The following BOD1L1 variants were observed in gnomAD, a reference collection of about 807,000 sequenced individuals.
The protein encoded by BOD1L1 is biorientation of chromosomes in cell division 1 like 1, also known as biorientation of chromosomes in cell division protein 1-like 1.
In BOD1L1, 86 loss-of-function variants were observed where a neutral mutation model predicts 240.7. The observed-to-expected ratio is 0.36, with a 90% CI of 0.30 to 0.43. BOD1L1 has a LOEUF of 0.43. BOD1L1 is among the 20% of genes least tolerant of loss of function. The probability of loss-of-function intolerance (pLI) is 1.00; values close to 1 mark genes in which losing one functional copy is unlikely to be tolerated. For missense variants in BOD1L1, 3,554 were observed against 3,643.5 expected (o/e 0.98, Z 0.63); for synonymous variants, 1,268 against 1,272.3 (o/e 1.00, Z 0.07).
intron 22 of BOD1L1, among the ~76,000 whole-genome samples, chr4:13,578,813 C>T (rs879368724): frequency 6.6e-6 from 1 of 152,182 alleles, no homozygotes; most frequent in Non-Finnish European, 1.5e-5. Context: ...AGTCACATAA[C>T]TAACAAGTAG....
At position 13,597,142 on chromosome 4, in the gene BOD1L1, A is replaced by T. The variant is rs1254875156; in HGVS notation, c.7981T>A (p.Leu2661Met). 3.8e-6 allele frequency: 6 copies of T among 1,595,994 alleles called. No homozygotes were observed. The highest frequency in any genetic ancestry group is 5.1e-6 in the Non-Finnish European group (6 of 1,170,136). ...TTGGCTTTCAGTTTCAATCCTCCCA[A>T]AACATTCAATGGAGACTCTTCATTG... ...IGNEESPLNV[L>M]GGLKLKANLK... The change falls in exon 11 of 26, where the codon TTG becomes ATG. Residue 2661 changes from leucine (L) to methionine (M), a missense_variant. Transcript: ENST00000040738.
At chr4:13,574,390 G>C (rs1467739338) in intron 25 of BOD1L1, among the ~76,000 whole-genome samples, 1 of 152,072 alleles carries the variant, frequency 6.6e-6, no homozygotes, top group East Asian at 1.9e-4. Context: ...ATCTAAACTA[G>C]AGAGAAAACA....
chr4:13,572,923 C>T, intron 25 of BOD1L1: 1 of 1,171,668 alleles, frequency 8.5e-7, no homozygotes, highest in Non-Finnish European at 1.1e-6. Context: ...GTATGAGGCT[C>T]CTTGTGGGCA....
In BOD1L1 at chr4:13,614,705, G is replaced by A; in HGVS notation, c.665C>T (p.Thr222Ile). The change falls in exon 4 of 26, where the codon ACA becomes ATA. Residue 222 changes from threonine to isoleucine, a missense_variant. By Grantham distance (89) the Thr-to-Ile change is moderately conservative. This residue lies in a region of BOD1L1 where 3,393 missense variants were observed against 3,427.1 expected (regional missense o/e 0.99). Transcript: ENST00000040738. ...ACTGGTCTTGGCATTTGATGTTTCTGTTGAAGCCCTAGCAGCACTGGCTTC... is the reference window on the plus strand; with the variant it reads ...ACTGGTCTTGGCATTTGATGTTTCTATTGAAGCCCTAGCAGCACTGGCTTC... Reference protein sequence around the residue: ...NQEASAARASTETSNAKTSER... With the variant: ...NQEASAARASIETSNAKTSER... The A allele has an allele frequency of 1.2e-6, 2 of 1,613,894 alleles. No individual in the cohort carries two copies. Among genetic ancestry groups the A allele is most frequent in the Non-Finnish European group, 1.7e-6 (2 of 1,179,876 alleles).
Position 13,608,665 on chromosome 4 carries a change from C to T in BOD1L1, c.1607G>A (p.Arg536Lys). Reference sequence around the variant, plus strand: ...TGATTCTTCTAAGTCCACACTACTCCTGCCTAGAAAAGAAGCAATCAATAA... The same window carrying T: ...TGATTCTTCTAAGTCCACACTACTCTTGCCTAGAAAAGAAGCAATCAATAA... The part of the protein sequence containing the change: ...TKSSKTKGQG[R>K]SSVDLEESST... The change falls in exon 8 of 26, where the codon AGG (arginine) becomes AAG (lysine). Residue 536 changes from arginine (R) to lysine (K), a missense_variant. Physicochemically the swap from Arg to Lys is conservative, Grantham distance 26. Coordinates refer to ENST00000040738, the MANE Select transcript of BOD1L1 (RefSeq NM_148894.3). The T allele has an allele frequency of 1.4e-6, 2 of 1,465,820 alleles. No individual in the cohort carries two copies. 90.8% of individuals were successfully genotyped at this position (1,465,820 alleles called of 1,614,324 possible).
chr4:13,582,216 A>G, intron 19 of BOD1L1, 21 bp downstream of exon 19: 1 of 1,594,370 alleles, frequency 6.3e-7, no homozygotes, highest in Non-Finnish European at 8.6e-7. Context: ...TGAACAAACA[A>G]ATACGAAAAG....
At chr4:13,572,694 G>A (rs1712313877) in intron 25 of BOD1L1, 10 of 1,289,358 alleles carry the variant, frequency 7.8e-6, no homozygotes, top group Non-Finnish European at 9.1e-6. Flanking sequence ...GTGTAAGCAG[G>A]GACTTACCTT....
At position 13,604,116 on chromosome 4, in the gene BOD1L1, T is replaced by A; in HGVS notation, c.2784A>T (p.Leu928Phe). 1 of 1,613,710 alleles carries A rather than the reference T, an allele frequency of 6.2e-7. No individual in the cohort carries two copies. Among genetic ancestry groups the A allele is most frequent in the African/African-American group, 1.3e-5 (1 of 75,014 alleles). Reference sequence around the variant, plus strand: ...TTGCCTGTTTTGTGGCACCTTCTTGTAATTCTGTTTCTACAACTTTTACCT... The same window carrying A: ...TTGCCTGTTTTGTGGCACCTTCTTGAAATTCTGTTTCTACAACTTTTACCT... ...GKQVKVVETELQEGATKQATT... is the reference protein window; with the variant it reads ...GKQVKVVETEFQEGATKQATT... Residue 928 changes from leucine (L) to phenylalanine (F), a missense_variant, in exon 10 of 26, where the codon TTA (leucine) becomes TTT (phenylalanine). Physicochemically the swap from Leu to Phe is conservative, Grantham distance 22. Coordinates refer to ENST00000040738, the MANE Select transcript of BOD1L1 (RefSeq NM_148894.3).
chr4:13,585,094 T>C (rs1362806112), intron 17 of BOD1L1, among the ~76,000 whole-genome samples: 5 of 152,194 alleles, frequency 3.3e-5, no homozygotes, highest in African/African-American at 9.6e-5. Flanking sequence ...TCTTCAAATT[T>C]AGAAGTATTG....
At position 13,613,159 on chromosome 4, in the gene BOD1L1, C is replaced by A. The variant is rs1159334541; in HGVS notation, c.1324+353G>T. 1.3e-5 allele frequency among the ~76,000 whole-genome samples: 2 copies of A among 152,136 alleles called. No individual in the cohort carries two copies. The highest frequency in any genetic ancestry group is 2.4e-5 in the African/African-American group (1 of 41,422). ...AACGGTGGTCTTAGGGAACCCGGAA[C>A]TTGCAACTGGTGCCATTAATTGAGG... On this transcript the variant is annotated intron_variant, in intron 5 of 25. Coordinates refer to ENST00000040738, the MANE Select transcript of BOD1L1 (RefSeq NM_148894.3). The surrounding 1 kb of genome is among the most constrained non-coding windows in gnomAD (Gnocchi z 4.0).
At chr4:13,623,808 A>G (rs893245506) in intron 1 of BOD1L1, 3 of 152,208 alleles carry the variant, frequency 2.0e-5, no homozygotes, top group African/African-American at 4.8e-5. Context: ...GACAGACATA[A>G]TCCACTATAA....
At chr4:13,598,833 A>G in intron 10 of BOD1L1, 113 bp downstream of exon 10, 1 of 1,132,140 alleles carries the variant, frequency 8.8e-7, no homozygotes, top group Non-Finnish European at 1.2e-6. Context: ...AAATTTATAG[A>G]TATTTTATCT....
intron 6 of BOD1L1, 138 bp downstream of exon 6, chr4:13,610,795 AC>A (rs1185202766): frequency 1.7e-6 from 1 of 594,182 alleles, no homozygotes; most frequent in East Asian, 2.9e-5. Context: ...CATCTACTCT[AC>A]CTAGTTAAAT....
chr4:13,607,992 A>G (rs1162725956), intron 8 of BOD1L1, among the ~76,000 whole-genome samples: 8 of 152,214 alleles, frequency 5.3e-5, no homozygotes, highest in Admixed American at 5.2e-4. Context: ...ATTGCAGCCC[A>G]TGGCTCACAT....
At chr4:13,627,283 A>G (rs2109009767) in intron 1 of BOD1L1, 62 bp downstream of exon 1, 1 of 1,002,924 alleles carries the variant, frequency 1.0e-6, no homozygotes, top group Non-Finnish European at 1.3e-6. Context: ...CCACTGCAAA[A>G]GAAGCGCGCC....
chr4:13,601,518 C>T lies in BOD1L1; in HGVS notation c.5382G>A (p.Thr1794=), dbSNP rs771170062. 1.1e-5 allele frequency: 18 copies of T among 1,613,912 alleles called. No individual in the cohort carries two copies. Among genetic ancestry groups the T allele is most frequent in the Non-Finnish European group, 1.3e-5 (15 of 1,179,906 alleles). The change falls in exon 10 of 26, where the codon ACG becomes ACA. Residue 1794 remains threonine (T), a synonymous_variant. Transcript: ENST00000040738. The stretch of plus-strand genomic sequence containing the variant: ...GCCCCTCTCCATCTTCTGTTATCCC[C>T]GTGCTGGTGACTGCACTCTCACCTT... ...GTEGESAVTS[T]GITEDGEGPA...
chr4:13,605,153 G>T, intron 9 of BOD1L1, 69 bp from the exon 10 acceptor site: 1 of 1,310,692 alleles, frequency 7.6e-7, no homozygotes, highest in Non-Finnish European at 1.0e-6. Context: ...CATAACATTT[G>T]GGTGGATTTA....
At position 13,600,303 on chromosome 4, in the gene BOD1L1, TG is replaced by T; in HGVS notation, c.6596del (p.Pro2199GlnfsTer25). 6.2e-7 allele frequency: 1 copy of T among 1,614,066 alleles called. No individual in the cohort carries two copies. Among genetic ancestry groups the T allele is most frequent in the Admixed American group, 1.7e-5 (1 of 60,036 alleles). On this transcript the variant is annotated frameshift_variant, in exon 10 of 26. Coordinates refer to ENST00000040738, the MANE Select transcript of BOD1L1 (RefSeq NM_148894.3). LOFTEE classifies it high-confidence loss of function. ...DFEGPMPSAP[P>X]EAESPLASTS... ...TTGAGGCAAGAGGACTTTCAGCTTCTGGGGGCGCACTGGGCATAGGCCCCTC... is the reference window on the plus strand; with the variant it reads ...TTGAGGCAAGAGGACTTTCAGCTTCTGGGGCGCACTGGGCATAGGCCCCTC...
In BOD1L1 at chr4:13,576,997, C is replaced by G. The variant is rs766314744; in HGVS notation, c.8885-6G>C. ...TCTTTCTGGCTCTGAGGATTCTGTT[C>G]AAATAGAAGGGTAACACCTGGATTT... On this transcript the variant is annotated splice_polypyrimidine_tract_variant and splice_region_variant and intron_variant, in intron 24 of 25. Transcript: ENST00000040738. 1 of 1,613,002 alleles carries G rather than the reference C, an allele frequency of 6.2e-7. No individual in the cohort carries two copies. Among genetic ancestry groups the G allele is most frequent in the Non-Finnish European group, 8.5e-7 (1 of 1,179,538 alleles).
Sources: gnomAD v4.1 joint callset for allele counts (sites outside exome capture counted in the v4.1 genomes callset) on GRCh38, gnomAD v4.1.1 for gene constraint, gnomAD v4.1.1 regional missense constraint, Gnocchi (gnomAD v3.1) non-coding constraint, MANE v1.5 for transcripts, NCBI Gene and HGNC (gene_info 2026-07-23, HGNC 2026-07-21) for gene names.